Variants in SRPK1 observed in about 807,000 individuals in gnomAD.
SRPK1 encodes the protein SFRS protein kinase 1.
SRPK1 carries 52 observed loss-of-function variants against 89.5 expected under a neutral mutation model. The ratio of observed to expected loss-of-function variants is 0.58; its 90% confidence interval spans 0.46 to 0.73. The LOEUF is 0.73. SRPK1 is among the 30% of genes least tolerant of loss of function. The pLI is 0.00. For missense variants in SRPK1, 603 were observed against 780.6 expected (o/e 0.77, Z 2.71); for synonymous variants, 255 against 270.2 (o/e 0.94, Z 0.55).
intron 6 of SRPK1, among the ~76,000 whole-genome samples, chr6:35,875,042 A>C (rs964576033): frequency 6.6e-6 from 1 of 152,200 alleles, no homozygotes; most frequent in African/African-American, 2.4e-5. Context: ...CATGCAAGTT[A>C]AGACATACAT....
At chr6:35,838,450 A>C in intron 14 of SRPK1, 21 bp from the exon 15 acceptor site, 2 of 1,550,032 alleles carry the variant, frequency 1.3e-6, no homozygotes, top group African/African-American at 1.4e-5. Flanking sequence ...CAAACATTTC[A>C]AGAGGGGGGA....
chr6:35,890,808 T>C lies in SRPK1; in HGVS notation c.193+87A>G, dbSNP rs1169419499. 3 of 1,179,252 alleles carry C rather than the reference T, an allele frequency of 2.5e-6. No individual in the cohort carries two copies. The East Asian group carries it at 8.5e-5, about 33-fold the overall frequency. The allele number at this position is 1,179,252 out of a possible 1,614,324, so 73.0% of individuals were successfully genotyped here. A position where few individuals can be genotyped will look rare whatever the true frequency, so the allele number is the denominator to read the frequency against. ...GGATACAAGTAAACAGCAATAAAAC[T>C]GTGTTTATGCTGATAGATCAAACAT... On this transcript the variant is annotated intron_variant, in intron 3 of 15. Coordinates refer to ENST00000373825, the MANE Select transcript of SRPK1 (RefSeq NM_003137.5).
intron 6 of SRPK1, among the ~76,000 whole-genome samples, chr6:35,883,087 G>A (rs1466504938): frequency 3.3e-5 from 5 of 152,188 alleles, no homozygotes; most frequent in African/African-American, 7.2e-5. Context: ...GATTATAGGC[G>A]TGAGCCACTG....
intron 2 of SRPK1, among the ~76,000 whole-genome samples, chr6:35,911,971 G>A (rs187465579): frequency 2.0e-5 from 3 of 152,168 alleles, no homozygotes; most frequent in Admixed American, 2.0e-4. Context: ...AAACTTCATT[G>A]TTTAAGAAAT....
chr6:35,920,264 G>A lies in SRPK1; in HGVS notation c.74+204C>T, dbSNP rs749787820. ...CGACAGCCCTTTCCAGCAGGCCCGGGGCTGCTAAGACCCAGGCCTGGCGTT... is the reference window on the plus strand; with the variant it reads ...CGACAGCCCTTTCCAGCAGGCCCGGAGCTGCTAAGACCCAGGCCTGGCGTT... On this transcript the variant is annotated intron_variant, in intron 2 of 15. Transcript: ENST00000373825. 34 of 649,072 alleles carry A rather than the reference G, an allele frequency of 5.2e-5. No homozygotes were observed. The African/African-American group carries it at 5.8e-4, about 11-fold the overall frequency. 40.2% of individuals were successfully genotyped at this position (649,072 alleles called of 1,614,324 possible). A position where few individuals can be genotyped will look rare whatever the true frequency, so the allele number is the denominator to read the frequency against.
intron 13 of SRPK1, among the ~76,000 whole-genome samples, chr6:35,853,265 C>T (rs778254831): frequency 2.6e-4 from 39 of 151,912 alleles, no homozygotes; most frequent in Non-Finnish European, 2.2e-4. Context: ...AGCAAGACCC[C>T]ATCCCTAAAA....
chr6:35,880,126 C>A, intron 6 of SRPK1, among the ~76,000 whole-genome samples: 2 of 141,340 alleles, frequency 1.4e-5, no homozygotes, highest in South Asian at 2.3e-4. Context: ...TGGAGAAAGT[C>A]AAGAAAACAA....
chr6:35,850,334 G>T (rs1769526366), intron 13 of SRPK1, among the ~76,000 whole-genome samples: 1 of 152,178 alleles, frequency 6.6e-6, no homozygotes, highest in Admixed American at 6.5e-5. Context: ...ACATAATTAA[G>T]TAACCAGTCC....
chr6:35,841,969 C>T (rs1217908021), intron 14 of SRPK1, among the ~76,000 whole-genome samples: 2 of 151,602 alleles, frequency 1.3e-5, no homozygotes, highest in East Asian at 3.9e-4. Context: ...GTCTCTCAGA[C>T]AAAGTAACTG....
intron 13 of SRPK1, among the ~76,000 whole-genome samples, chr6:35,852,385 T>G (rs1271604635): frequency 6.6e-6 from 1 of 152,214 alleles, no homozygotes; most frequent in Non-Finnish European, 1.5e-5. Flanking sequence ...TATACTCTGT[T>G]TTTTTGGTGT....
intron 2 of SRPK1, among the ~76,000 whole-genome samples, chr6:35,910,584 C>G (rs1770939353): frequency 6.6e-6 from 1 of 152,220 alleles, no homozygotes; most frequent in Non-Finnish European, 1.5e-5. Flanking sequence ...CTATACTAAA[C>G]AGCAGATTTT....
At position 35,835,118 on chromosome 6, in the gene SRPK1, C is replaced by CA; in HGVS notation, c.*185dup. The CA allele has an allele frequency of 1.9e-6, 1 of 519,094 alleles. No homozygotes were observed. The highest frequency in any genetic ancestry group is 3.3e-6 in the Non-Finnish European group (1 of 304,528). The allele number at this position is 519,094 out of a possible 1,614,324, so 32.2% of individuals were successfully genotyped here. A position where few individuals can be genotyped will look rare whatever the true frequency, so the allele number is the denominator to read the frequency against. Reference sequence around the variant, plus strand: ...CAAGGCCAAATTCACCTAGGATGCCCAATGGCTGTGGGGATCTCCACAGGG... The same window carrying CA: ...CAAGGCCAAATTCACCTAGGATGCCCAAATGGCTGTGGGGATCTCCACAGGG... On this transcript the variant is annotated 3_prime_UTR_variant, in exon 16 of 16. Coordinates refer to ENST00000373825, the MANE Select transcript of SRPK1 (RefSeq NM_003137.5).
intron 12 of SRPK1, among the ~76,000 whole-genome samples, chr6:35,858,325 T>C (rs977610422): frequency 6.6e-6 from 1 of 151,944 alleles, no homozygotes; most frequent in African/African-American, 2.4e-5. Flanking sequence ...TTTTTAACTG[T>C]GACACTTTGT....
rs772801647 is a variant in SRPK1 at position 35,834,048 on chromosome 6, C to G, written c.*1256G>C. 2.6e-5 allele frequency: 4 copies of G among 152,300 alleles called. No homozygotes were observed. Among genetic ancestry groups the G allele is most frequent in the Non-Finnish European group, 5.9e-5 (4 of 67,962 alleles). The allele number at this position is 152,300 out of a possible 1,614,324, so 9.4% of individuals were successfully genotyped here. A position where few individuals can be genotyped will look rare whatever the true frequency, so the allele number is the denominator to read the frequency against. ...TTGCAAAGTCTTTTCTCAATTAAAACAAAAAAGCCTCAAGTACATCTCAAT... is the reference window on the plus strand; with the variant it reads ...TTGCAAAGTCTTTTCTCAATTAAAAGAAAAAAGCCTCAAGTACATCTCAAT... On this transcript the variant is annotated 3_prime_UTR_variant, in exon 16 of 16. Coordinates refer to ENST00000373825, the MANE Select transcript of SRPK1 (RefSeq NM_003137.5).
At position 35,920,464 on chromosome 6, in the gene SRPK1, T is replaced by G; in HGVS notation, c.74+4A>C. 6.2e-7 allele frequency: 1 copy of G among 1,612,984 alleles called. No individual in the cohort carries two copies. The highest frequency in any genetic ancestry group is 8.5e-7 in the Non-Finnish European group (1 of 1,179,212). On this transcript the variant is annotated splice_donor_region_variant and intron_variant, in intron 2 of 15. Coordinates refer to ENST00000373825, the MANE Select transcript of SRPK1 (RefSeq NM_003137.5). Reference sequence around the variant, plus strand: ...AGAATGGGATGTTGGGGTACAAGACTCACTTCCTTTGGGCTTTGTCCTTCT... The same window carrying G: ...AGAATGGGATGTTGGGGTACAAGACGCACTTCCTTTGGGCTTTGTCCTTCT...
intron 8 of SRPK1, 61 bp from the exon 9 acceptor site, chr6:35,871,020 C>G (rs1582007914): frequency 7.0e-7 from 1 of 1,437,620 alleles, no homozygotes; most frequent in Admixed American, 1.9e-5. Flanking sequence ...TAAACTAAGG[C>G]TCAGATAAAA....
At chr6:35,897,541 G>T (rs1162250920) in intron 2 of SRPK1, among the ~76,000 whole-genome samples, 1 of 152,162 alleles carries the variant, frequency 6.6e-6, no homozygotes, top group Non-Finnish European at 1.5e-5. Context: ...ATGAGACAGG[G>T]TCTCACTCTA....
chr6:35,913,516 A>C (rs181176443), intron 2 of SRPK1, among the ~76,000 whole-genome samples: 84 of 152,116 alleles, frequency 5.5e-4, no homozygotes, highest in African/African-American at 1.5e-3. Flanking sequence ...AAAGCAAAGG[A>C]GGCCAGGCAC....
intron 13 of SRPK1, among the ~76,000 whole-genome samples, chr6:35,842,905 G>A (rs1446478448): frequency 6.6e-6 from 1 of 151,378 alleles, no homozygotes; most frequent in Non-Finnish European, 1.5e-5. Context: ...TCCCTTTTTT[G>A]GCCGGAAAGG....
Sources: gnomAD v4.1 joint callset for allele counts (sites outside exome capture counted in the v4.1 genomes callset) on GRCh38, gnomAD v4.1.1 for gene constraint, MANE v1.5 for transcripts, NCBI Gene and HGNC (gene_info 2026-07-23, HGNC 2026-07-21) for gene names.